DENND6B: variants seen among roughly 807,000 people sequenced by gnomAD.
The protein encoded by DENND6B is protein DENND6B.
In DENND6B, 73 loss-of-function variants were observed where a neutral mutation model predicts 85.1. The ratio of observed to expected loss-of-function variants is 0.86; its 90% CI spans 0.71 to 1.04. The LOEUF is 1.04. Among genes scored for constraint, DENND6B ranks in the 50% least tolerant of loss-of-function variants. The pLI is 0.00. For synonymous variants in DENND6B, 357 were observed against 329.3 expected, an observed-to-expected ratio of 1.08 and a Z score of -0.91; for missense variants, 715 against 785.8, an observed-to-expected ratio of 0.91 and a Z score of 1.08.
intron 9 of DENND6B, among the ~76,000 whole-genome samples, chr22:50,315,279 G>A (rs1355952050): frequency 1.3e-5 from 2 of 152,142 alleles, no homozygotes; most frequent in East Asian, 3.9e-4. Flanking sequence ...GTGCAGCCCT[G>A]GCTCCTGCCG....
intron 3 of DENND6B, among the ~76,000 whole-genome samples, chr22:50,318,290 C>T (rs972903000): frequency 6.6e-6 from 1 of 152,146 alleles, no homozygotes; most frequent in African/African-American, 2.4e-5. Flanking sequence ...TTGCAGTGAG[C>T]TGAGATGGTG....
In DENND6B at chr22:50,316,479, C is replaced by T; in HGVS notation, c.454-4G>A. ...AGCGGGACACCAGCACCAAAGACTG[C>T]AGGGCCACGGGGCCAGTTAGAGGCC... On this transcript the variant is annotated splice_polypyrimidine_tract_variant and splice_region_variant and intron_variant, in intron 5 of 19. Coordinates refer to ENST00000413817, the MANE Select transcript of DENND6B (RefSeq NM_001001794.4). 2 of 1,570,094 alleles carry T rather than the reference C, an allele frequency of 1.3e-6. No individual in the cohort carries two copies. The highest frequency in any genetic ancestry group is 1.7e-6 in the Non-Finnish European group (2 of 1,159,208).
At chr22:50,313,793 C>G (rs370557780) in intron 14 of DENND6B, 21 bp downstream of exon 14, 22 of 1,611,490 alleles carry the variant, frequency 1.4e-5, no homozygotes, top group Non-Finnish European at 1.7e-5. Flanking sequence ...GTCCCCAGCC[C>G]CTGCCCCACA....
rs201899701 is a variant in DENND6B at position 50,316,445 on chromosome 22, C to A, written c.484G>T (p.Val162Phe). ...CTTAGCAGCGCTTGGAACAGCCGGA[C>A]AAAGGGCAAGCGGGACACCAGCACC... ...SLVLVSRLPF[V>F]RLFQALLSLI... is the part of the protein sequence containing the mutation. Residue 162 changes from valine to phenylalanine, a missense_variant, in exon 6 of 20, where the codon GTC becomes TTC. Val to Phe is a conservative substitution (Grantham distance 50, BLOSUM62 -1). Transcript: ENST00000413817. The A allele has an allele frequency of 1.3e-6, 2 of 1,587,356 alleles. No individual in the cohort carries two copies. The highest frequency in any genetic ancestry group is 1.8e-5 in the Admixed American group (1 of 55,838).
At chr22:50,324,977 T>C (rs1035416381) in intron 1 of DENND6B, among the ~76,000 whole-genome samples, 6 of 152,138 alleles carry the variant, frequency 3.9e-5, no homozygotes, top group African/African-American at 1.4e-4. Flanking sequence ...TGTGACTGAG[T>C]TGCACAGTGG....
chr22:50,315,859 T>C, intron 8 of DENND6B, 90 bp from the exon 9 acceptor site: 1 of 1,481,944 alleles, frequency 6.7e-7, no homozygotes, highest in Non-Finnish European at 9.1e-7. Context: ...CAGGGGAAGG[T>C]GGAGAGCACC....
In DENND6B at chr22:50,312,111, C is replaced by G. The variant is rs558193156; in HGVS notation, c.*28G>C. 2.5e-5 allele frequency: 41 copies of G among 1,609,446 alleles called. 1 individual carries two copies. In the African/African-American group the frequency reaches 3.2e-4, roughly 13 times the overall value. Reference sequence around the variant, plus strand: ...GTGGGAGGCTCAGGCAGACCTAGGGCCCTGGGACCGTGGCCCTTGGCTTTG... The same window carrying G: ...GTGGGAGGCTCAGGCAGACCTAGGGGCCTGGGACCGTGGCCCTTGGCTTTG... On this transcript the variant is annotated 3_prime_UTR_variant, in exon 20 of 20. Transcript: ENST00000413817.
chr22:50,325,069 T>G (rs895093673), intron 1 of DENND6B, among the ~76,000 whole-genome samples: 1 of 152,176 alleles, frequency 6.6e-6, no homozygotes, highest in Non-Finnish European at 1.5e-5. Flanking sequence ...GCAAGAGTCA[T>G]GTGCTCAGGC....
intron 9 of DENND6B, 53 bp downstream of exon 9, chr22:50,315,661 T>G: frequency 1.3e-6 from 2 of 1,539,930 alleles, no homozygotes; most frequent in Non-Finnish European, 8.8e-7. Context: ...TACATGCACG[T>G]GCACACACAG....
intron 1 of DENND6B, among the ~76,000 whole-genome samples, chr22:50,325,885 G>A (rs2042175698): frequency 6.6e-6 from 1 of 152,188 alleles, no homozygotes; most frequent in Non-Finnish European, 1.5e-5. Flanking sequence ...GTTCAGCAGG[G>A]CCTTAGAAAG....
intron 9 of DENND6B, 153 bp from the exon 10 acceptor site, chr22:50,315,074 T>A: frequency 8.6e-7 from 1 of 1,158,038 alleles, no homozygotes; most frequent in Non-Finnish European, 1.2e-6. Context: ...AAGATGTGTC[T>A]CGGGTAATCA....
At chr22:50,316,498 A>T (rs2041822705) in intron 5 of DENND6B, 23 bp from the exon 6 acceptor site, 1 of 1,556,868 alleles carries the variant, frequency 6.4e-7, no homozygotes, top group East Asian at 2.4e-5. Context: ...GGGGCCAGTT[A>T]GAGGCCCAGT....
At chr22:50,326,129 A>T (rs2042182721) in intron 1 of DENND6B, among the ~76,000 whole-genome samples, 1 of 152,220 alleles carries the variant, frequency 6.6e-6, no homozygotes, top group East Asian at 1.9e-4. Flanking sequence ...GGAGGAAAGG[A>T]GGCTGCCTGT....
At position 50,314,614 on chromosome 22, in the gene DENND6B, G is replaced by T. The variant is rs370513147; in HGVS notation, c.968C>A (p.Thr323Lys). 3 of 1,562,620 alleles carry T rather than the reference G, an allele frequency of 1.9e-6. No individual in the cohort carries two copies. The highest frequency in any genetic ancestry group is 2.4e-5 in the East Asian group (1 of 41,750). ...CAGAGGCGGCACTTACGGGGCCTGC[G>T]TGCGTGTGGTGAACTCCTTGAACTC... ...DSEFKEFTTRTQAPPNVVLGV... is the reference protein window; with the variant it reads ...DSEFKEFTTRKQAPPNVVLGV... The change falls in exon 11 of 20, where the codon ACG (threonine) becomes AAG (lysine). Residue 323 changes from threonine to lysine, a missense_variant. By Grantham distance (78) the Thr-to-Lys change is moderately conservative. Coordinates refer to ENST00000413817, the MANE Select transcript of DENND6B (RefSeq NM_001001794.4).
chr22:50,326,696 C>G, intron 1 of DENND6B, 116 bp downstream of exon 1: 1 of 943,422 alleles, frequency 1.1e-6, no homozygotes, highest in Non-Finnish European at 1.4e-6. Context: ...CTCCAGGAGG[C>G]GGCGGCCGAA....
chr22:50,316,108 C>T, intron 7 of DENND6B, 21 bp from the exon 8 acceptor site: 1 of 1,612,716 alleles, frequency 6.2e-7, no homozygotes, highest in Non-Finnish European at 8.5e-7. Flanking sequence ...GAGGGAGCAG[C>T]TGCCAGAGGG....
Position 50,313,732 on chromosome 22 carries a change from G to GC in DENND6B, c.1204-9_1204-8insG. 3.7e-6 allele frequency: 6 copies of GC among 1,604,500 alleles called. No individual in the cohort carries two copies. Among genetic ancestry groups the GC allele is most frequent in the Non-Finnish European group, 5.1e-6 (6 of 1,177,016 alleles). On this transcript the variant is annotated splice_polypyrimidine_tract_variant and intron_variant, in intron 14 of 19. Transcript: ENST00000413817. ...CCGCTTCTTCTGCACGCCCTGCAGG[G>GC]GAGAGAGGGCCAGGCCCTTGCTGCG... is the stretch of plus-strand genomic sequence containing the variant.
intron 5 of DENND6B, 155 bp downstream of exon 5, chr22:50,317,124 AGGACAGGGTGGGGG>A: frequency 2.3e-6 from 1 of 432,298 alleles, no homozygotes; most frequent in Non-Finnish European, 4.0e-6. Flanking sequence ...GGGGGCGGCG[AGGACAGGGTGGGGG>A]GGCGGCAAGG....
chr22:50,326,198 CACAGCCGATGA>C (rs1431453425), intron 1 of DENND6B, among the ~76,000 whole-genome samples: 3 of 152,250 alleles, frequency 2.0e-5, no homozygotes, highest in African/African-American at 7.2e-5. Context: ...AGCCCATGGG[CACAGCCGATGA>C]ACAGACCCCC....
Sources: allele counts gnomAD v4.1 joint callset (sites outside exome capture counted in the v4.1 genomes callset), GRCh38; gene constraint gnomAD v4.1.1; transcripts MANE v1.5; gene names NCBI Gene and HGNC (gene_info 2026-07-23, HGNC 2026-07-21).